LIPC: variants seen among roughly 807,000 people sequenced by gnomAD.
The protein encoded by LIPC is lipase C, hepatic type.
LIPC carries 44 observed loss-of-function variants against 50.7 expected under a neutral mutation model. The observed-to-expected ratio is 0.87, with a 90% CI of 0.68 to 1.11. LIPC has a LOEUF of 1.11. Among genes scored for constraint, LIPC ranks in the 50% most tolerant of loss-of-function variants. LIPC has a pLI of 0.00. For missense variants in LIPC, 697 were observed against 648.2 expected (o/e 1.08, Z -0.82); for synonymous variants, 271 against 256.4 (o/e 1.06, Z -0.54).
At chr15:58,557,649 T>C (rs1266109607) in intron 6 of LIPC, among the ~76,000 whole-genome samples, 4 of 152,104 alleles carry the variant, frequency 2.6e-5, no homozygotes, top group Admixed American at 2.0e-4. Context: ...CCTCCCAAAG[T>C]GCTGGGATTA....
chr15:58,523,872 C>G (rs1243183729), intron 1 of LIPC, among the ~76,000 whole-genome samples: 1 of 151,682 alleles, frequency 6.6e-6, no homozygotes, highest in Non-Finnish European at 1.5e-5. Flanking sequence ...GAGGTCAAGG[C>G]TGCAGTGAGC....
intron 7 of LIPC, among the ~76,000 whole-genome samples, chr15:58,562,805 A>ACC (rs10684025): frequency 0.32 from 44,609 of 138,180 alleles, 7,235 homozygotes; most frequent in East Asian, 0.53. Context: ...CACACAAGGG[A>ACC]CCCCCCCCCA....
chr15:58,481,624 G>A (rs4775057), intron 1 of LIPC, among the ~76,000 whole-genome samples: 47,765 of 151,634 alleles, frequency 0.32, 7,632 homozygotes, highest in Admixed American at 0.38. Flanking sequence ...CCAACATGGC[G>A]AAACCCCATC....
chr15:58,453,271 T>C (rs1396560070), intron 1 of LIPC, among the ~76,000 whole-genome samples: 1 of 152,000 alleles, frequency 6.6e-6, no homozygotes, highest in African/African-American at 2.4e-5. Flanking sequence ...TCTCCAAAAC[T>C]CCATCCTCAT....
intron 1 of LIPC, among the ~76,000 whole-genome samples, chr15:58,461,534 G>T (rs554696548): frequency 6.6e-6 from 1 of 151,898 alleles, no homozygotes; most frequent in Non-Finnish European, 1.5e-5. Flanking sequence ...TCAGCCTCCC[G>T]ATTAGCTGGG....
intron 1 of LIPC, among the ~76,000 whole-genome samples, chr15:58,455,906 T>G (rs1894092629): frequency 6.6e-6 from 1 of 151,542 alleles, no homozygotes; most frequent in Non-Finnish European, 1.5e-5. Context: ...GCCTGAGGGG[T>G]GTCTACATAA....
At chr15:58,481,486 A>G (rs542565258) in intron 1 of LIPC, among the ~76,000 whole-genome samples, 11 of 152,310 alleles carry the variant, frequency 7.2e-5, no homozygotes, top group Non-Finnish European at 1.5e-4. Flanking sequence ...ATATCCATGT[A>G]CAAGAACACT....
intron 1 of LIPC, among the ~76,000 whole-genome samples, chr15:58,513,646 G>C (rs1195142887): frequency 6.6e-6 from 1 of 152,196 alleles, no homozygotes; most frequent in Non-Finnish European, 1.5e-5. Flanking sequence ...GGATTGGAAA[G>C]CTGACTACTT....
intron 1 of LIPC, among the ~76,000 whole-genome samples, chr15:58,463,289 G>T (rs1894421580): frequency 6.6e-6 from 1 of 152,214 alleles, no homozygotes; most frequent in Non-Finnish European, 1.5e-5. Context: ...AAGAATGTTG[G>T]TAGGGCCTGC....
rs1566904312 is a variant in LIPC at position 58,432,444 on chromosome 15, A to G, written c.88+324A>G. ...TATGAAAGCGATTCAGATCTTCCTGAGAGTTAATGTGGCATCTAATTTGCA... is the reference window on the plus strand; with the variant it reads ...TATGAAAGCGATTCAGATCTTCCTGGGAGTTAATGTGGCATCTAATTTGCA... On this transcript the variant is annotated intron_variant, in intron 1 of 8. Coordinates refer to ENST00000299022, the MANE Select transcript of LIPC (RefSeq NM_000236.3). 3 of 361,942 alleles carry G rather than the reference A, an allele frequency of 8.3e-6. No homozygotes were observed. The East Asian group carries it at 1.8e-4, about 22-fold the overall frequency. The allele number at this position is 361,942 out of a possible 1,614,324, so 22.4% of individuals were successfully genotyped here.
intron 1 of LIPC, among the ~76,000 whole-genome samples, chr15:58,452,127 C>T (rs559449410): frequency 1.3e-5 from 2 of 152,280 alleles, no homozygotes; most frequent in South Asian, 2.1e-4. Context: ...TTCAGTGATG[C>T]TTTAGTCTAT....
chr15:58,443,076 C>G (rs1893560106), intron 1 of LIPC, among the ~76,000 whole-genome samples: 1 of 152,150 alleles, frequency 6.6e-6, no homozygotes, highest in Admixed American at 6.6e-5. Context: ...CCATGTCCAG[C>G]TAATTTTTCT....
At chr15:58,436,975 A>G in intron 1 of LIPC, 3 of 415,506 alleles carry the variant, frequency 7.2e-6, no homozygotes, top group South Asian at 5.3e-5. Flanking sequence ...GTTAAACTGC[A>G]ACAAACTGGA....
intron 1 of LIPC, among the ~76,000 whole-genome samples, chr15:58,511,165 C>CA (rs1336222242): frequency 6.6e-6 from 1 of 152,176 alleles, no homozygotes; most frequent in Non-Finnish European, 1.5e-5. Context: ...TGAAATGGTA[C>CA]AAAATACGAA....
At chr15:58,515,589 A>G (rs16940409) in intron 1 of LIPC, among the ~76,000 whole-genome samples, 2,083 of 151,440 alleles carry the variant, frequency 0.014, 51 homozygotes, top group African/African-American at 0.048. Flanking sequence ...TTTAAAAAAC[A>G]AAAAGGGCCT....
chr15:58,564,419 G>A (rs1235271166), intron 8 of LIPC, among the ~76,000 whole-genome samples: 2 of 152,010 alleles, frequency 1.3e-5, no homozygotes, highest in South Asian at 2.1e-4. Context: ...AGGAGCTGGG[G>A]TGGGGAGCAA....
At chr15:58,526,671 G>C (rs1595921013) in intron 1 of LIPC, among the ~76,000 whole-genome samples, 2 of 152,218 alleles carry the variant, frequency 1.3e-5, no homozygotes, top group Admixed American at 1.3e-4. Flanking sequence ...CAAAGACCTT[G>C]GTGGATAAGT....
intron 1 of LIPC, among the ~76,000 whole-genome samples, chr15:58,434,487 G>A (rs1893226050): frequency 6.6e-6 from 1 of 152,130 alleles, no homozygotes; most frequent in Non-Finnish European, 1.5e-5. Flanking sequence ...AGCTGGTCAG[G>A]GCAGAGCAGG....
chr15:58,443,992 G>C lies in LIPC; in HGVS notation c.88+11872G>C, dbSNP rs558382895. ...AAATCACAATGGTGGAGTGTCATCA[G>C]TTAAGGCTATTTTCACTTCTTTTGT... On this transcript the variant is annotated intron_variant, in intron 1 of 8. Transcript: ENST00000299022. Among the ~76,000 whole-genome samples the C allele has an allele frequency of 1.4e-4, 21 of 152,330 alleles. No individual in the cohort carries two copies. In the East Asian group the frequency reaches 4.1e-3, roughly 29 times the overall value.
Sources: allele counts gnomAD v4.1 joint callset (sites outside exome capture counted in the v4.1 genomes callset), GRCh38; gene constraint gnomAD v4.1.1; transcripts MANE v1.5; gene names NCBI Gene and HGNC (gene_info 2026-07-23, HGNC 2026-07-21).